The following SCARA3 variants were observed in gnomAD, a reference collection of about 807,000 sequenced individuals.
SCARA3 encodes the protein cellular stress response gene protein.
SCARA3 carries 39 observed loss-of-function variants against 47.0 expected under a neutral mutation model. The ratio of observed to expected loss-of-function variants is 0.83; its 90% CI spans 0.64 to 1.08. The LOEUF (loss-of-function observed/expected upper bound fraction) is 1.08. Among genes scored for constraint, SCARA3 ranks in the 50% least tolerant of loss-of-function variants. The pLI is 0.00. For synonymous variants in SCARA3, 356 were observed against 334.1 expected (o/e 1.07, Z -0.71); for missense variants, 724 against 792.3 (o/e 0.91, Z 1.04).
At chr8:27,656,750 C>T in intron 3 of SCARA3, 32 bp from the exon 4 acceptor site, 1 of 1,362,218 alleles carries the variant, frequency 7.3e-7, no homozygotes. Flanking sequence ...AGCTTAGACC[C>T]TGCCCCAGCT....
chr8:27,653,587 G>GTGTT (rs1234761134), intron 3 of SCARA3, among the ~76,000 whole-genome samples: 1 of 151,962 alleles, frequency 6.6e-6, no homozygotes, highest in Non-Finnish European at 1.5e-5. Context: ...GTGTGTGTGT[G>GTGTT]TGTGTGTGTG....
Position 27,672,602 on chromosome 8 carries a change from G to T in SCARA3, c.*1251G>T. ...GGCCCGAGCCCTCTTTGCATGGGCA[G>T]CCAGCTGGACTAGGAGTGGGAAGGG... On this transcript the variant is annotated 3_prime_UTR_variant, in exon 6 of 6. Coordinates refer to ENST00000301904, the MANE Select transcript of SCARA3 (RefSeq NM_016240.3). The T allele has an allele frequency of 1.0e-6, 1 of 985,614 alleles. No individual in the cohort carries two copies. 61.1% of individuals were successfully genotyped at this position (985,614 alleles called of 1,614,324 possible). A position where few individuals can be genotyped will look rare whatever the true frequency, so the allele number is the denominator to read the frequency against.
At chr8:27,689,822 A>G in the SCARA3 span, among the ~76,000 whole-genome samples, 1 of 152,128 alleles carries the variant, frequency 6.6e-6, no homozygotes, top group Non-Finnish European at 1.5e-5. Context: ...TGTATTTATC[A>G]TGAGCACAAC....
intron 5 of SCARA3, among the ~76,000 whole-genome samples, chr8:27,661,000 G>A (rs1174907779): frequency 3.9e-5 from 6 of 152,172 alleles, no homozygotes; most frequent in Admixed American, 2.0e-4. Flanking sequence ...CATCAGGCAG[G>A]AAGAATTCCC....
intron 1 of SCARA3, among the ~76,000 whole-genome samples, chr8:27,648,896 T>G (rs1470621345): frequency 1.2e-4 from 11 of 91,948 alleles, no homozygotes; most frequent in Non-Finnish European, 1.6e-4. Context: ...AAGGAAGGAA[T>G]GAAGGAAAGG....
At chr8:27,710,229 C>CAAA in the SCARA3 span, among the ~76,000 whole-genome samples, 12 of 105,048 alleles carry the variant, frequency 1.1e-4, no homozygotes, top group African/African-American at 1.9e-4. Context: ...GACTCCGTCT[C>CAAA]AAAAAAAAAA....
At chr8:27,730,576 C>G in the SCARA3 span, among the ~76,000 whole-genome samples, 1 of 151,632 alleles carries the variant, frequency 6.6e-6, no homozygotes, top group African/African-American at 2.4e-5. Flanking sequence ...CTTGACCTCC[C>G]AGGCTCAAGC....
chr8:27,700,536 G>A, the SCARA3 span, among the ~76,000 whole-genome samples: 1 of 151,772 alleles, frequency 6.6e-6, no homozygotes, highest in Non-Finnish European at 1.5e-5. Flanking sequence ...GAACCCAGGA[G>A]GTGGAAGTTG....
At chr8:27,701,142 A>C in the SCARA3 span, 1 of 152,184 alleles carries the variant, frequency 6.6e-6, no homozygotes. Context: ...TAAATCTCAA[A>C]AGCACATTGA....
At chr8:27,726,523 C>G in the SCARA3 span, among the ~76,000 whole-genome samples, 1 of 152,036 alleles carries the variant, frequency 6.6e-6, no homozygotes, top group Non-Finnish European at 1.5e-5. Context: ...GCGGTGAAAC[C>G]CCGTCTCTAC....
At chr8:27,655,699 A>G (rs1801728681) in intron 3 of SCARA3, among the ~76,000 whole-genome samples, 1 of 152,204 alleles carries the variant, frequency 6.6e-6, no homozygotes, top group Non-Finnish European at 1.5e-5. Flanking sequence ...TTATATTTAT[A>G]TATCAAGTTT....
chr8:27,675,006 C>T (rs893418413), downstream of SCARA3, among the ~76,000 whole-genome samples: 3 of 152,092 alleles, frequency 2.0e-5, no homozygotes, highest in African/African-American at 7.2e-5. Flanking sequence ...GGATTACAGG[C>T]GTGAGCCACC....
the SCARA3 span, among the ~76,000 whole-genome samples, chr8:27,686,609 C>T: frequency 1.1e-4 from 17 of 152,254 alleles, no homozygotes; most frequent in African/African-American, 9.6e-5. Flanking sequence ...CCATCTACAC[C>T]GCACCTCCCT....
chr8:27,642,048 T>G (rs1801393650), intron 1 of SCARA3, among the ~76,000 whole-genome samples: 1 of 152,256 alleles, frequency 6.6e-6, no homozygotes, highest in Non-Finnish European at 1.5e-5. Context: ...TTAAATGGGC[T>G]TATTATTTTT....
intron 1 of SCARA3, among the ~76,000 whole-genome samples, chr8:27,639,364 A>T (rs1801331900): frequency 2.0e-5 from 3 of 152,140 alleles, no homozygotes; most frequent in Admixed American, 2.0e-4. Flanking sequence ...ATTGGATGGG[A>T]ATCCCGGGAG....
chr8:27,636,352 G>A (rs567705277), intron 1 of SCARA3, among the ~76,000 whole-genome samples: 4 of 152,246 alleles, frequency 2.6e-5, no homozygotes, highest in South Asian at 2.1e-4. Context: ...AGGGAGGATC[G>A]CTTGAGCCTG....
the SCARA3 span, among the ~76,000 whole-genome samples, chr8:27,723,936 A>G: frequency 1.4e-4 from 21 of 152,116 alleles, no homozygotes; most frequent in Admixed American, 1.4e-3. Context: ...GGGTTTCACC[A>G]CGTTGGCCAG....
At chr8:27,661,922 TGTGGAGTAGCA>T (rs1362645709) in intron 5 of SCARA3, among the ~76,000 whole-genome samples, 1 of 152,190 alleles carries the variant, frequency 6.6e-6, no homozygotes, top group Non-Finnish European at 1.5e-5. Context: ...TTACTTCCAT[TGTGGAGTAGCA>T]GTCCAATTTC....
At chr8:27,643,959 C>A (rs1003213916) in intron 1 of SCARA3, among the ~76,000 whole-genome samples, 12 of 152,278 alleles carry the variant, frequency 7.9e-5, no homozygotes, top group Admixed American at 5.2e-4. Flanking sequence ...TTTTCTACCC[C>A]CAAAGGGAGA....
Sources: gnomAD v4.1 joint callset for allele counts (sites outside exome capture counted in the v4.1 genomes callset) on GRCh38, gnomAD v4.1.1 for gene constraint, MANE v1.5 for transcripts, NCBI Gene and HGNC (gene_info 2026-07-23, HGNC 2026-07-21) for gene names.